The following DACH1 variants were observed in gnomAD, a reference collection of about 807,000 sequenced individuals.
DACH1 encodes dachshund homolog 1.
A neutral mutation model predicts 54.2 loss-of-function variants in DACH1; 12 were observed. That is an observed-to-expected ratio of 0.22 (90% CI 0.14 to 0.36). The LOEUF (loss-of-function observed/expected upper bound fraction) is 0.36, where lower values mean the gene tolerates loss of function less well. DACH1 is among the 10% of genes least tolerant of loss of function. The pLI is 1.00. For missense variants in DACH1, 805 were observed against 929.8 expected (o/e 0.87, Z 1.75); for synonymous variants, 386 against 366.2 (o/e 1.05, Z -0.62).
chr13:71,656,865 T>C (rs1353075300), intron 2 of DACH1, among the ~76,000 whole-genome samples: 1 of 143,458 alleles, frequency 7.0e-6, no homozygotes, highest in Admixed American at 7.0e-5. Context: ...GATAGACAGA[T>C]ACTGACTTGA....
chr13:71,510,297 T>C (rs1416822314), intron 6 of DACH1, among the ~76,000 whole-genome samples: 4 of 152,030 alleles, frequency 2.6e-5, no homozygotes, highest in African/African-American at 7.2e-5. Flanking sequence ...ACCATCTATA[T>C]GCTGATGCCT....
rs1873873611 is a variant in DACH1 at position 71,440,036 on chromosome 13, A to G, written c.*619T>C. The G allele has an allele frequency of 6.6e-6, 1 of 151,902 alleles. No individual in the cohort carries two copies. Among genetic ancestry groups the G allele is most frequent in the South Asian group, 2.1e-4 (1 of 4,824 alleles). 9.4% of individuals were successfully genotyped at this position (151,902 alleles called of 1,614,324 possible). On this transcript the variant is annotated 3_prime_UTR_variant, in exon 11 of 11. Transcript: ENST00000613252. ...TTTCAGATATGCAAAATGTTATTTCATTGGGTTGTTGTCAACATCCATTTG... is the reference window on the plus strand; with the variant it reads ...TTTCAGATATGCAAAATGTTATTTCGTTGGGTTGTTGTCAACATCCATTTG...
intron 1 of DACH1, among the ~76,000 whole-genome samples, chr13:71,777,942 C>A (rs1023311315): frequency 1.3e-5 from 2 of 151,770 alleles, no homozygotes; most frequent in African/African-American, 2.4e-5. Context: ...AATGGTAAAA[C>A]CTCATCTCTA....
At position 71,697,473 on chromosome 13, in the gene DACH1, A is replaced by G. The variant is rs543154801; in HGVS notation, c.849-15563T>C. Among the ~76,000 whole-genome samples, 6 of 152,298 alleles carry G rather than the reference A, an allele frequency of 3.9e-5. No homozygotes were observed. The South Asian group carries it at 1.2e-3, about 32-fold the overall frequency. On this transcript the variant is annotated intron_variant, in intron 1 of 10. Transcript: ENST00000613252. ...GTCTCCCACTGAATATTCTGGATTT[A>G]TCTTAGCTCTTCAAAATGATGTGGT...
chr13:71,596,778 G>C (rs779586992), intron 3 of DACH1, among the ~76,000 whole-genome samples: 5 of 152,070 alleles, frequency 3.3e-5, no homozygotes, highest in Non-Finnish European at 7.4e-5. Flanking sequence ...GGTTAATGAG[G>C]GGAAAATTAC....
At chr13:71,824,076 T>C (rs1888292650) in intron 1 of DACH1, among the ~76,000 whole-genome samples, 1 of 151,890 alleles carries the variant, frequency 6.6e-6, no homozygotes, top group South Asian at 2.1e-4. Context: ...AATACAATTA[T>C]ATTATATTCA....
At chr13:71,484,455 C>T (rs1463996295) in intron 7 of DACH1, among the ~76,000 whole-genome samples, 5 of 152,166 alleles carry the variant, frequency 3.3e-5, no homozygotes, top group African/African-American at 1.2e-4. Flanking sequence ...GTATGAGTCA[C>T]AGCACCCAGC....
chr13:71,616,308 T>C (rs1199859962), intron 3 of DACH1, among the ~76,000 whole-genome samples: 2 of 152,154 alleles, frequency 1.3e-5, no homozygotes, highest in Non-Finnish European at 2.9e-5. Context: ...CATGAACAGC[T>C]GGAGGCATGA....
At chr13:71,456,841 T>G (rs938188756) in intron 10 of DACH1, among the ~76,000 whole-genome samples, 1 of 152,064 alleles carries the variant, frequency 6.6e-6, no homozygotes, top group Non-Finnish European at 1.5e-5. Flanking sequence ...CAAAGCTGTA[T>G]AGCCATCTGT....
At chr13:71,822,604 A>T (rs932279971) in intron 1 of DACH1, among the ~76,000 whole-genome samples, 1 of 152,224 alleles carries the variant, frequency 6.6e-6, no homozygotes, top group Non-Finnish European at 1.5e-5. Context: ...AAATTTCTAA[A>T]GACAGCTCTA....
At chr13:71,652,911 C>A (rs749656441) in intron 2 of DACH1, among the ~76,000 whole-genome samples, 2 of 151,924 alleles carry the variant, frequency 1.3e-5, no homozygotes, top group Non-Finnish European at 2.9e-5. Context: ...AAAAGTGGAC[C>A]GCGATGACCA....
chr13:71,523,574 C>T (rs949206744), intron 6 of DACH1, among the ~76,000 whole-genome samples: 3 of 151,930 alleles, frequency 2.0e-5, no homozygotes, highest in Non-Finnish European at 2.9e-5. Context: ...GAGGAAGGGC[C>T]TAGAGAAATT....
intron 10 of DACH1, among the ~76,000 whole-genome samples, chr13:71,457,926 G>GCCAAA (rs758695213): frequency 2.6e-5 from 4 of 151,702 alleles, no homozygotes; most frequent in Non-Finnish European, 5.9e-5. Flanking sequence ...ATATTAGTAA[G>GCCAAA]CCAAACTCAT....
intron 1 of DACH1, among the ~76,000 whole-genome samples, chr13:71,856,735 G>A (rs764233378): frequency 6.6e-6 from 1 of 151,842 alleles, no homozygotes; most frequent in Non-Finnish European, 1.5e-5. Context: ...TCTTACCGAT[G>A]ACGTAATGAC....
At chr13:71,718,575 G>A (rs79824173) in intron 1 of DACH1, among the ~76,000 whole-genome samples, 26 of 134,028 alleles carry the variant, frequency 1.9e-4, no homozygotes, top group Admixed American at 3.8e-4. Context: ...GACCATATCT[G>A]AAAAAAAAAA....
At chr13:71,554,773 C>G (rs1018165657) in intron 6 of DACH1, among the ~76,000 whole-genome samples, 5 of 152,058 alleles carry the variant, frequency 3.3e-5, no homozygotes, top group Admixed American at 6.6e-5. Context: ...AAAGCAAATA[C>G]TTTAAAACAT....
chr13:71,705,083 T>G lies in DACH1; in HGVS notation c.849-23173A>C, dbSNP rs543507330. Among the ~76,000 whole-genome samples the G allele has an allele frequency of 3.9e-5, 6 of 152,332 alleles. No homozygotes were observed. In the East Asian group the frequency reaches 1.2e-3, roughly 29 times the overall value. On this transcript the variant is annotated intron_variant, in intron 1 of 10. Coordinates refer to ENST00000613252, the MANE Select transcript of DACH1 (RefSeq NM_080759.6). ...TGTTGAAACTAGCACTAAGCTATAT[T>G]TCCTAGCACATATATAAAGAGTGAT...
intron 6 of DACH1, among the ~76,000 whole-genome samples, chr13:71,514,040 T>A (rs183922828): frequency 2.6e-5 from 4 of 152,174 alleles, no homozygotes; most frequent in Admixed American, 1.3e-4. Context: ...CAATACTGAG[T>A]GTCAATGTGG....
At chr13:71,541,139 G>C (rs1198516861) in intron 6 of DACH1, among the ~76,000 whole-genome samples, 1 of 151,766 alleles carries the variant, frequency 6.6e-6, no homozygotes, top group Non-Finnish European at 1.5e-5. Flanking sequence ...ATTCCTTATG[G>C]ATAATGAAGT....
Sources: allele counts gnomAD v4.1 joint callset (sites outside exome capture counted in the v4.1 genomes callset), GRCh38; gene constraint gnomAD v4.1.1; transcripts MANE v1.5; gene names NCBI Gene and HGNC (gene_info 2026-07-23, HGNC 2026-07-21).